Variants in SHROOM4 observed in about 807,000 individuals in gnomAD.
The protein encoded by SHROOM4 is shroom family member 4.
A neutral mutation model predicts 80.3 loss-of-function variants in SHROOM4; 17 were observed. That is an observed-to-expected ratio of 0.21 (90% CI 0.14 to 0.32). SHROOM4 has a LOEUF of 0.32. Ranked by LOEUF, SHROOM4 falls within the 10% of genes least tolerant of loss-of-function variation. The pLI is 1.00. For missense variants in SHROOM4, 993 were observed against 1,140.3 expected (o/e 0.87, Z 1.86); for synonymous variants, 400 against 437.5 (o/e 0.91, Z 1.07).
Position 50,785,329 on chromosome X carries a change from CTTATA to C in SHROOM4, c.117+28568_117+28572del, listed in dbSNP as rs782710950. 5.3e-3 allele frequency among the ~76,000 whole-genome samples: 591 copies of C among 111,423 alleles called. 4 individuals carry two copies. Among genetic ancestry groups the C allele is most frequent in the South Asian group, 0.013 (33 of 2,617 alleles). On this transcript the variant is annotated intron_variant, in intron 1 of 8. Coordinates refer to ENST00000376020, the MANE Select transcript of SHROOM4 (RefSeq NM_020717.5). ...AAATGAAAGTATATGTTCACACAGA[CTTATA>C]TGTGACTGTTCATAGCAGCTTTATT...
intron 1 of SHROOM4, among the ~76,000 whole-genome samples, chrX:50,811,620 G>T (rs1557273451): frequency 1.8e-5 from 2 of 111,112 alleles, no homozygotes; most frequent in African/African-American, 6.6e-5. Context: ...AATGAAGAGG[G>T]AATTAATGAA....
chrX:50,610,463 T>C (rs1485613566), intron 5 of SHROOM4, among the ~76,000 whole-genome samples: 4 of 110,783 alleles, frequency 3.6e-5, no homozygotes, highest in Admixed American at 2.9e-4. Flanking sequence ...TTATCAAAAA[T>C]AGAGACAACT....
At chrX:50,727,790 T>C (rs1934274059) in intron 1 of SHROOM4, among the ~76,000 whole-genome samples, 1 of 111,835 alleles carries the variant, frequency 8.9e-6, no homozygotes, top group Non-Finnish European at 1.9e-5. Context: ...ATATACCCTA[T>C]ACCAGGACTT....
chrX:50,584,624 G>A (rs1439008096), downstream of SHROOM4, among the ~76,000 whole-genome samples: 6 of 111,613 alleles, frequency 5.4e-5, no homozygotes, highest in Non-Finnish European at 1.1e-4. Context: ...GAATAGATTT[G>A]AGACATATTT....
chrX:50,724,670 G>A lies in SHROOM4; in HGVS notation c.118-28733C>T, dbSNP rs113336421. Among the ~76,000 whole-genome samples, 693 of 111,489 alleles carry A rather than the reference G, an allele frequency of 6.2e-3. 9 individuals are homozygous for A. Among genetic ancestry groups the A allele is most frequent in the African/African-American group, 0.021 (658 of 30,682 alleles). ...TATTTTTTGTATTTTTAGTAGAGAC[G>A]GGGTTTCTCCACATTGGTCAGGCTG... On this transcript the variant is annotated intron_variant, in intron 1 of 8. Transcript: ENST00000376020.
downstream of SHROOM4, among the ~76,000 whole-genome samples, chrX:50,585,709 C>T (rs958460056): frequency 5.4e-5 from 6 of 111,271 alleles, no homozygotes; most frequent in East Asian, 5.6e-4. Context: ...TAAAAGAGCA[C>T]GAGGTCACAG....
At position 50,598,267 on chromosome X, in the gene SHROOM4, T is replaced by G; in HGVS notation, c.4211A>C (p.Lys1404Thr). Residue 1404 changes from lysine to threonine, a missense_variant and splice_region_variant, in exon 8 of 9, where the codon AAG (lysine) becomes ACG (threonine). Transcript: ENST00000376020. ...ACACCCCACAGACCCCAACTCTACC[T>G]TCTCCTGGTTGGCCTCTGAATCGAT... ...NSIDSEANQE[K>T]LVLIEKKQQL... is the part of the protein sequence containing the mutation. The G allele has an allele frequency of 1.8e-5, 22 of 1,211,681 alleles. No homozygotes were observed. Among genetic ancestry groups the G allele is most frequent in the Non-Finnish European group, 2.3e-5 (21 of 895,500 alleles).
At chrX:50,684,584 G>A (rs1484754944) in intron 2 of SHROOM4, among the ~76,000 whole-genome samples, 1 of 111,883 alleles carries the variant, frequency 8.9e-6, no homozygotes, top group African/African-American at 3.3e-5. Context: ...CCTGTGAAAG[G>A]AAAAAAGAGC....
downstream of SHROOM4, among the ~76,000 whole-genome samples, chrX:50,585,841 T>C (rs1928748657): frequency 1.2e-5 from 1 of 82,512 alleles, no homozygotes; most frequent in Non-Finnish European, 2.4e-5. Context: ...GTTTGGGTTA[T>C]CTTTTGTCAA....
intron 2 of SHROOM4, among the ~76,000 whole-genome samples, chrX:50,683,126 A>AC (rs1338789157): frequency 1.8e-5 from 2 of 111,304 alleles, no homozygotes; most frequent in African/African-American, 6.5e-5. Flanking sequence ...CTATTGTGAG[A>AC]CCTTGTGATC....
intron 5 of SHROOM4, among the ~76,000 whole-genome samples, chrX:50,611,499 GA>G (rs200297047): frequency 0.3 from 33,631 of 110,577 alleles, 3,806 homozygotes; most frequent in South Asian, 0.42. Context: ...AAATAAACGG[GA>G]AAAAAATTCT....
rs782200200 is a variant in SHROOM4 at position 50,597,957 on chromosome X, G to A, written c.4212+309C>T. 1.8e-3 allele frequency among the ~76,000 whole-genome samples: 201 copies of A among 111,412 alleles called. 1 individual carries two copies. The highest frequency in any genetic ancestry group is 5.7e-3 in the African/African-American group (173 of 30,602). The stretch of plus-strand genomic sequence containing the variant: ...AAGCTCAAGCAAACCTTCCACCTCA[G>A]CCTCCGGAGTAGCTGGGATTATAGG... On this transcript the variant is annotated intron_variant, in intron 8 of 8. Coordinates refer to ENST00000376020, the MANE Select transcript of SHROOM4 (RefSeq NM_020717.5).
chrX:50,727,532 TC>T (rs782498519), intron 1 of SHROOM4, among the ~76,000 whole-genome samples: 1 of 111,545 alleles, frequency 9.0e-6, no homozygotes, highest in South Asian at 3.8e-4. Flanking sequence ...GGTGGCAGTT[TC>T]CCCCATGCTT....
At chrX:50,753,348 A>G (rs1409808563) in intron 1 of SHROOM4, among the ~76,000 whole-genome samples, 1 of 112,349 alleles carries the variant, frequency 8.9e-6, no homozygotes, top group Non-Finnish European at 1.9e-5. Context: ...TCGGGTTTTA[A>G]TCTCATAATT....
chrX:50,686,616 ATACACATATTTTAT>A (rs1933078962), intron 2 of SHROOM4, among the ~76,000 whole-genome samples: 1 of 111,522 alleles, frequency 9.0e-6, no homozygotes, highest in Non-Finnish European at 1.9e-5. Context: ...TATTTTATAT[ATACACATATTTTAT>A]ATGTGTGTGT....
intron 8 of SHROOM4, among the ~76,000 whole-genome samples, chrX:50,597,962 C>T (rs782625874): frequency 1.7e-4 from 19 of 111,355 alleles, no homozygotes; most frequent in African/African-American, 6.2e-4. Flanking sequence ...CCTCAGCCTC[C>T]GGAGTAGCTG....
At chrX:50,755,422 A>G (rs782088419) in intron 1 of SHROOM4, among the ~76,000 whole-genome samples, 1 of 112,060 alleles carries the variant, frequency 8.9e-6, no homozygotes, top group Non-Finnish European at 1.9e-5. Flanking sequence ...AGACCCTTCT[A>G]CAGACTGGGC....
chrX:50,694,293 A>G (rs1415066579), intron 2 of SHROOM4, among the ~76,000 whole-genome samples: 2 of 109,133 alleles, frequency 1.8e-5, no homozygotes, highest in African/African-American at 6.7e-5. Context: ...ACTGTTTTCT[A>G]TGGTGGCTGT....
chrX:50,682,903 A>C (rs1260796071), intron 2 of SHROOM4, among the ~76,000 whole-genome samples: 11 of 111,713 alleles, frequency 9.8e-5, no homozygotes, highest in Non-Finnish European at 1.7e-4. Context: ...GGGCTGGGGA[A>C]GGCAGAACCA....
Sources: gnomAD v4.1 joint callset for allele counts (sites outside exome capture counted in the v4.1 genomes callset) on GRCh38, gnomAD v4.1.1 for gene constraint, MANE v1.5 for transcripts, NCBI Gene and HGNC (gene_info 2026-07-23, HGNC 2026-07-21) for gene names.